Variants in FOXN3 observed in about 807,000 individuals in gnomAD.
FOXN3 encodes the protein forkhead box N3.
FOXN3 carries 7 observed loss-of-function variants against 38.4 expected under a neutral mutation model. That is an observed-to-expected ratio of 0.18 (90% CI 0.10 to 0.34). The LOEUF (loss-of-function observed/expected upper bound fraction) is 0.34, where lower values mean the gene tolerates loss of function less well. FOXN3 is among the 10% of genes least tolerant of loss of function. FOXN3 has a pLI of 1.00. For synonymous variants in FOXN3, 230 were observed against 242.2 expected (o/e 0.95, Z 0.47); for missense variants, 456 against 613.4 (o/e 0.74, Z 2.71).
In FOXN3 at chr14:89,188,131, TA is replaced by T. The variant is rs991805537; in HGVS notation, c.746-7326del. 2.6e-5 allele frequency among the ~76,000 whole-genome samples: 4 copies of T among 151,866 alleles called. No individual in the cohort carries two copies. In the South Asian group the frequency reaches 8.3e-4, roughly 32 times the overall value. On this transcript the variant is annotated intron_variant, in intron 4 of 5. Coordinates refer to ENST00000557258, the MANE Select transcript of FOXN3 (RefSeq NM_005197.4). ...TTCTCACACAGCGGTAATAGCCTTCTAAAAAAAAGCCTTCTAAAAATGAGCC... is the reference window on the plus strand; with the variant it reads ...TTCTCACACAGCGGTAATAGCCTTCTAAAAAAAGCCTTCTAAAAATGAGCC...
intron 3 of FOXN3, chr14:89,349,615 A>G (rs1446332345): frequency 2.6e-5 from 4 of 152,672 alleles, no homozygotes; most frequent in African/African-American, 9.6e-5. Flanking sequence ...AAAGGCAGAC[A>G]TACAGCAGTC....
intron 1 of FOXN3, among the ~76,000 whole-genome samples, chr14:89,597,732 T>C (rs1013422238): frequency 2.0e-5 from 3 of 152,172 alleles, no homozygotes; most frequent in Admixed American, 6.5e-5. Context: ...AGTTATGCGA[T>C]CTTTCTTTGG....
At chr14:89,589,724 T>C (rs1281524679) in intron 1 of FOXN3, among the ~76,000 whole-genome samples, 3 of 3,782 alleles carry the variant, frequency 7.9e-4, no homozygotes, top group African/African-American at 1.4e-3. Flanking sequence ...TGAGAATGAA[T>C]TGGGGGCGGG....
chr14:89,314,349 T>G, intron 3 of FOXN3, among the ~76,000 whole-genome samples: 1 of 152,218 alleles, frequency 6.6e-6, no homozygotes, highest in Non-Finnish European at 1.5e-5. Context: ...GCTGGTAATC[T>G]AAGTCATTCA....
chr14:89,390,557 G>A (rs1042822610), intron 2 of FOXN3, among the ~76,000 whole-genome samples: 8 of 149,366 alleles, frequency 5.4e-5, no homozygotes, highest in South Asian at 2.1e-4. Flanking sequence ...TCAAACTGAC[G>A]AGCAGTATCA....
intron 1 of FOXN3, among the ~76,000 whole-genome samples, chr14:89,501,850 A>C (rs1893806802): frequency 6.6e-6 from 1 of 150,924 alleles, no homozygotes; most frequent in Non-Finnish European, 1.5e-5. Context: ...CTCCATCTCA[A>C]AAAAACAAAC....
At position 89,350,949 on chromosome 14, in the gene FOXN3, T is replaced by C. The variant is rs1358295204; in HGVS notation, c.544-141A>G. ...TGTTTGCCAGCCTTAAATATTATAC[T>C]GACAGTAGAACTCCATAAAATGCAC... On this transcript the variant is annotated intron_variant, in intron 2 of 5. Transcript: ENST00000557258. The C allele has an allele frequency of 5.5e-6, 3 of 543,302 alleles. No homozygotes were observed. The Admixed American group carries it at 1.3e-4, about 23-fold the overall frequency. The allele number at this position is 543,302 out of a possible 1,614,324, so 33.7% of individuals were successfully genotyped here.
At chr14:89,546,627 C>A (rs979039002) in intron 1 of FOXN3, among the ~76,000 whole-genome samples, 5 of 151,470 alleles carry the variant, frequency 3.3e-5, no homozygotes, top group African/African-American at 2.4e-5. Flanking sequence ...CTGCACCCGG[C>A]CCCAATAGCT....
chr14:89,271,045 GCACA>G (rs142275431), intron 4 of FOXN3, among the ~76,000 whole-genome samples: 2 of 150,832 alleles, frequency 1.3e-5, no homozygotes, highest in Non-Finnish European at 3.0e-5. Context: ...GCACATACCT[GCACA>G]CACACACACA....
At chr14:89,395,573 C>T (rs1382488554) in intron 2 of FOXN3, among the ~76,000 whole-genome samples, 3 of 152,094 alleles carry the variant, frequency 2.0e-5, no homozygotes. Context: ...GTCTGTCTCT[C>T]CCACTAGACT....
chr14:89,191,516 C>G (rs887668019), intron 4 of FOXN3, among the ~76,000 whole-genome samples: 1 of 152,116 alleles, frequency 6.6e-6, no homozygotes, highest in Non-Finnish European at 1.5e-5. Context: ...ACAAGGGGCT[C>G]GCACTTGTCA....
chr14:89,500,492 ACT>A (rs1350694857), intron 1 of FOXN3, among the ~76,000 whole-genome samples: 1 of 152,044 alleles, frequency 6.6e-6, no homozygotes, highest in Non-Finnish European at 1.5e-5. Flanking sequence ...GACCTTTACC[ACT>A]CTGTTTCAAG....
intron 1 of FOXN3, among the ~76,000 whole-genome samples, chr14:89,580,915 GC>G (rs1208856107): frequency 5.3e-5 from 8 of 152,124 alleles, no homozygotes; most frequent in Non-Finnish European, 1.2e-4. Flanking sequence ...AGGTGTGTTG[GC>G]TCATGCCTGT....
At chr14:89,465,514 G>A (rs540519618) in intron 1 of FOXN3, among the ~76,000 whole-genome samples, 21 of 152,284 alleles carry the variant, frequency 1.4e-4, no homozygotes, top group South Asian at 4.1e-4. Flanking sequence ...GAGCCACCGC[G>A]CCTAGCTTGA....
intron 2 of FOXN3, among the ~76,000 whole-genome samples, chr14:89,401,917 C>T (rs1891259850): frequency 6.6e-6 from 1 of 152,086 alleles, no homozygotes; most frequent in African/African-American, 2.4e-5. Flanking sequence ...AGCTTTTTCC[C>T]CTGGGAAGCG....
chr14:89,225,496 T>G (rs1042574677), intron 4 of FOXN3, among the ~76,000 whole-genome samples: 1 of 151,318 alleles, frequency 6.6e-6, no homozygotes, highest in African/African-American at 2.4e-5. Flanking sequence ...CCCAGCTACT[T>G]GGGAGGCTGA....
At chr14:89,559,768 G>C (rs979030755) in intron 1 of FOXN3, among the ~76,000 whole-genome samples, 1 of 152,214 alleles carries the variant, frequency 6.6e-6, no homozygotes, top group African/African-American at 2.4e-5. Flanking sequence ...TCTGAACACT[G>C]AGTGGAGGGT....
At chr14:89,525,337 C>G (rs1413680915) in intron 1 of FOXN3, among the ~76,000 whole-genome samples, 1 of 152,254 alleles carries the variant, frequency 6.6e-6, no homozygotes, top group Non-Finnish European at 1.5e-5. Flanking sequence ...GCTCATTATA[C>G]ACTAATTATA....
chr14:89,523,910 G>A (rs1894371921), intron 1 of FOXN3, among the ~76,000 whole-genome samples: 1 of 151,852 alleles, frequency 6.6e-6, no homozygotes, highest in Non-Finnish European at 1.5e-5. Flanking sequence ...TTACAGGTGT[G>A]CGCCACCATG....
Sources: gnomAD v4.1 joint callset for allele counts (sites outside exome capture counted in the v4.1 genomes callset) on GRCh38, gnomAD v4.1.1 for gene constraint, MANE v1.5 for transcripts, NCBI Gene and HGNC (gene_info 2026-07-23, HGNC 2026-07-21) for gene names.